KALRN: variants seen among roughly 807,000 people sequenced by gnomAD.
KALRN encodes kalirin.
Under a neutral mutation model 353.7 loss-of-function variants are expected in KALRN, and 70 were observed. The ratio of observed to expected loss-of-function variants is 0.20; its 90% confidence interval spans 0.16 to 0.24. KALRN has a LOEUF of 0.24. KALRN is among the 10% of genes least tolerant of loss of function. The pLI is 1.00. For missense variants in KALRN, 2,791 were observed against 3,756.7 expected (o/e 0.74, Z 6.72); for synonymous variants, 1,391 against 1,434.8 (o/e 0.97, Z 0.69).
chr3:124,519,139 G>C, intron 33 of KALRN: 1 of 985,382 alleles, frequency 1.0e-6, no homozygotes, highest in Non-Finnish European at 1.2e-6. Flanking sequence ...GAGGTCTCTG[G>C]TTCAAAGACC....
chr3:124,234,750 C>A, intron 2 of KALRN, 79 bp from the exon 3 acceptor site: 1 of 1,108,698 alleles, frequency 9.0e-7, no homozygotes, highest in Non-Finnish European at 1.3e-6. Context: ...ACCCAGCACT[C>A]AGACAGATTT....
intron 33 of KALRN, among the ~76,000 whole-genome samples, chr3:124,551,521 G>A (rs1328530733): frequency 6.6e-6 from 1 of 152,190 alleles, no homozygotes; most frequent in Non-Finnish European, 1.5e-5. Flanking sequence ...CCTAGAAAGA[G>A]GCAGATGCTC....
intron 34 of KALRN, among the ~76,000 whole-genome samples, chr3:124,583,538 A>G (rs536373576): frequency 1.3e-5 from 2 of 152,314 alleles, no homozygotes; most frequent in East Asian, 1.9e-4. Context: ...GAAGTCTTGC[A>G]CCGTAAGTAA....
chr3:124,079,761 C>T (rs1653309992), intron 1 of KALRN, among the ~76,000 whole-genome samples: 1 of 152,126 alleles, frequency 6.6e-6, no homozygotes, highest in South Asian at 2.1e-4. Context: ...GCTATTTTGT[C>T]TTTCATTCTT....
rs1232675799 is a variant in KALRN at position 124,719,551 on chromosome 3, TTCA to T, written c.*86_*88del. ...CTGAATGTGACTGTAAATAATTCTG[TTCA>T]TCATTTCACTCCGTGCAGTTCTCTG... is the stretch of plus-strand genomic sequence containing the variant. On this transcript the variant is annotated 3_prime_UTR_variant, in exon 60 of 60. Coordinates refer to ENST00000682506, the MANE Select transcript of KALRN (RefSeq NM_001388419.1). The surrounding 1 kb of genome is among the most constrained non-coding windows in gnomAD (Gnocchi z 5.3). 3.8e-6 allele frequency: 5 copies of T among 1,308,672 alleles called. No individual in the cohort carries two copies. Among genetic ancestry groups the T allele is most frequent in the Non-Finnish European group, 5.3e-6 (5 of 946,228 alleles). The allele number at this position is 1,308,672 out of a possible 1,614,324, so 81.1% of individuals were successfully genotyped here.
At chr3:124,213,525 T>G (rs1302847992) in intron 1 of KALRN, among the ~76,000 whole-genome samples, 2 of 152,156 alleles carry the variant, frequency 1.3e-5, no homozygotes, top group Admixed American at 6.5e-5. Context: ...TTTAATTATT[T>G]TTATCTATTT....
chr3:124,557,255 G>C (rs1473813730), intron 33 of KALRN, among the ~76,000 whole-genome samples: 1 of 152,044 alleles, frequency 6.6e-6, no homozygotes, highest in Non-Finnish European at 1.5e-5. Context: ...TTATATTTTA[G>C]TATTGGGGCA....
At chr3:124,147,697 C>G (rs1229926195) in intron 1 of KALRN, among the ~76,000 whole-genome samples, 1 of 152,164 alleles carries the variant, frequency 6.6e-6, no homozygotes, top group Non-Finnish European at 1.5e-5. Context: ...GTTTTTCTCC[C>G]ATATTCTGAG....
intron 5 of KALRN, among the ~76,000 whole-genome samples, chr3:124,292,548 T>C (rs7619834): frequency 0.63 from 95,072 of 151,732 alleles, 30,062 homozygotes; most frequent in South Asian, 0.78. Context: ...GGCAGAGCCC[T>C]GAGAGGGTGT....
intron 38 of KALRN, among the ~76,000 whole-genome samples, chr3:124,654,925 A>G (rs60947240): frequency 0.01 from 1,548 of 152,344 alleles, 25 homozygotes; most frequent in African/African-American, 0.035. Context: ...AGAAACCAAG[A>G]GAGCAAATGT....
chr3:124,388,746 C>T (rs2088847903), intron 11 of KALRN, among the ~76,000 whole-genome samples: 2 of 152,086 alleles, frequency 1.3e-5, no homozygotes, highest in Non-Finnish European at 2.9e-5. Flanking sequence ...CTATATATAG[C>T]AGGCAAAAAT....
intron 51 of KALRN, among the ~76,000 whole-genome samples, chr3:124,688,044 C>T (rs1432026378): frequency 1.3e-5 from 2 of 152,058 alleles, no homozygotes; most frequent in African/African-American, 4.8e-5. Context: ...TGTGTGGTGG[C>T]TCATACCTGT....
rs1476415151 is a variant in KALRN at position 124,696,162 on chromosome 3, T to A, written c.7606T>A (p.Cys2536Ser). ...TTCTGGAGAAATCACCCTGAAGATCTGTAATCTGATGCCCCAAGACAGTGG... is the reference window on the plus strand; with the variant it reads ...TTCTGGAGAAATCACCCTGAAGATCAGTAATCTGATGCCCCAAGACAGTGG... ...CDSGEITLKICNLMPQDSGIY... is the reference protein window; with the variant it reads ...CDSGEITLKISNLMPQDSGIY... The change falls in exon 54 of 60, where the codon TGT (cysteine) becomes AGT (serine). Residue 2536 changes from cysteine (C) to serine (S), a missense_variant. This residue lies in a region of KALRN where 1,065 missense variants were observed against 1,156.4 expected (regional missense o/e 0.92). Coordinates refer to ENST00000682506, the MANE Select transcript of KALRN (RefSeq NM_001388419.1). The A allele has an allele frequency of 1.9e-6, 3 of 1,614,030 alleles. No individual in the cohort carries two copies.
intron 33 of KALRN, among the ~76,000 whole-genome samples, chr3:124,505,799 A>G (rs1016429019): frequency 6.6e-6 from 1 of 152,312 alleles, no homozygotes; most frequent in African/African-American, 2.4e-5. Context: ...ATAAAACATA[A>G]CAATGTCATC....
chr3:124,108,731 T>A (rs2062557134), intron 1 of KALRN, among the ~76,000 whole-genome samples: 1 of 152,174 alleles, frequency 6.6e-6, no homozygotes, highest in South Asian at 2.1e-4. Context: ...GTTGAACATG[T>A]AGTATGAGCA....
chr3:124,586,792 G>A (rs2149317930), intron 34 of KALRN, among the ~76,000 whole-genome samples: 1 of 152,250 alleles, frequency 6.6e-6, no homozygotes, highest in Admixed American at 6.5e-5. Context: ...CCCTAGATCT[G>A]AAATGTGTGA....
At chr3:124,237,609 C>G (rs906507601) in intron 3 of KALRN, among the ~76,000 whole-genome samples, 1 of 152,136 alleles carries the variant, frequency 6.6e-6, no homozygotes, top group African/African-American at 2.4e-5. Context: ...GTGATACACC[C>G]ACCTCAGCCT....
At chr3:124,169,858 T>A (rs1307258688) in intron 1 of KALRN, among the ~76,000 whole-genome samples, 2 of 152,096 alleles carry the variant, frequency 1.3e-5, no homozygotes, top group Non-Finnish European at 2.9e-5. Flanking sequence ...GGAGTAGAAC[T>A]ATGGAAATTA....
chr3:124,188,574 T>C (rs547842140), intron 1 of KALRN, among the ~76,000 whole-genome samples: 3 of 152,292 alleles, frequency 2.0e-5, no homozygotes, highest in African/African-American at 7.2e-5. Flanking sequence ...GTGGGTCTTG[T>C]AATTAAGAGT....
Sources: allele counts gnomAD v4.1 joint callset (sites outside exome capture counted in the v4.1 genomes callset), GRCh38; gene constraint gnomAD v4.1.1; regional missense constraint gnomAD v4.1.1; non-coding constraint Gnocchi (gnomAD v3.1); transcripts MANE v1.5; gene names NCBI Gene and HGNC (gene_info 2026-07-23, HGNC 2026-07-21).